Variants in GRID2 observed in about 807,000 individuals in gnomAD.
The protein encoded by GRID2 is glutamate ionotropic receptor delta type subunit 2.
A neutral mutation model predicts 114.8 loss-of-function variants in GRID2; 33 were observed. That is an observed-to-expected ratio of 0.29 (90% CI 0.22 to 0.38). The LOEUF is 0.38. Among genes scored for constraint, GRID2 ranks in the 10% least tolerant of loss-of-function variants. The pLI, the probability that GRID2 is intolerant of heterozygous loss-of-function variation, is 1.00. For missense variants in GRID2, 1,184 were observed against 1,257.7 expected (o/e 0.94, Z 0.89); for synonymous variants, 505 against 449.9 (o/e 1.12, Z -1.55).
chr4:93,198,750 G>A, intron 4 of GRID2, among the ~76,000 whole-genome samples: 1 of 152,184 alleles, frequency 6.6e-6, no homozygotes, highest in East Asian at 1.9e-4. Flanking sequence ...GAGGTCAAAA[G>A]GAACAAAGCA....
At chr4:92,690,728 C>T (rs1429877721) in intron 2 of GRID2, among the ~76,000 whole-genome samples, 1 of 151,974 alleles carries the variant, frequency 6.6e-6, no homozygotes, top group African/African-American at 2.4e-5. Flanking sequence ...CTGTATTAAG[C>T]TATACACCCC....
chr4:92,994,799 T>C lies in GRID2; in HGVS notation c.245-90196T>C, dbSNP rs187381363. Among the ~76,000 whole-genome samples the C allele has an allele frequency of 1.4e-3, 211 of 152,252 alleles. 1 individual carries two copies. Among genetic ancestry groups the C allele is most frequent in the African/African-American group, 4.7e-3 (197 of 41,560 alleles). On this transcript the variant is annotated intron_variant, in intron 2 of 15. Coordinates refer to ENST00000282020, the MANE Select transcript of GRID2 (RefSeq NM_001510.4). ...TCACATTGGTGCCAACGAAGGCATTTTGGTATATTCCCTGGATGCAACCAA... is the reference window on the plus strand; with the variant it reads ...TCACATTGGTGCCAACGAAGGCATTCTGGTATATTCCCTGGATGCAACCAA...
intron 5 of GRID2, among the ~76,000 whole-genome samples, chr4:93,213,949 G>T (rs1743881671): frequency 6.6e-6 from 1 of 152,036 alleles, no homozygotes; most frequent in Middle Eastern, 3.4e-3. Flanking sequence ...TGGGAAAAAA[G>T]GCTTCCTTAG....
chr4:93,705,019 A>C (rs1017114741), intron 14 of GRID2, among the ~76,000 whole-genome samples: 2 of 152,040 alleles, frequency 1.3e-5, no homozygotes, highest in African/African-American at 4.8e-5. Flanking sequence ...GTTTTTAAGG[A>C]GCCTCTATAC....
At chr4:92,808,511 G>A (rs888655013) in intron 2 of GRID2, among the ~76,000 whole-genome samples, 2 of 151,966 alleles carry the variant, frequency 1.3e-5, no homozygotes, top group African/African-American at 4.8e-5. Flanking sequence ...TAAAATTTAA[G>A]CAAAGGAAGT....
chr4:92,479,095 T>A (rs1353027065), intron 1 of GRID2, among the ~76,000 whole-genome samples: 1 of 152,170 alleles, frequency 6.6e-6, no homozygotes, highest in Non-Finnish European at 1.5e-5. Flanking sequence ...ACAATTTAGA[T>A]ATTTGTGGTT....
At chr4:92,953,345 A>G (rs1168494546) in intron 2 of GRID2, among the ~76,000 whole-genome samples, 1 of 152,178 alleles carries the variant, frequency 6.6e-6, no homozygotes, top group Non-Finnish European at 1.5e-5. Context: ...TAAAGATTAC[A>G]TTCACTGAAA....
chr4:93,365,404 G>T (rs1762245850), intron 8 of GRID2, among the ~76,000 whole-genome samples: 1 of 152,176 alleles, frequency 6.6e-6, no homozygotes, highest in Non-Finnish European at 1.5e-5. Context: ...AATTTACCAT[G>T]CATAGTAGGT....
At chr4:93,788,282 C>T (rs1004699479) in intron 1 of GRID2, among the ~76,000 whole-genome samples, 1 of 151,760 alleles carries the variant, frequency 6.6e-6, no homozygotes, top group East Asian at 1.9e-4. Flanking sequence ...CACACCATTG[C>T]ACTCCAGCCA....
At chr4:92,334,196 C>T (rs189428230) in intron 1 of GRID2, among the ~76,000 whole-genome samples, 1 of 152,180 alleles carries the variant, frequency 6.6e-6, no homozygotes, top group East Asian at 1.9e-4. Context: ...ATTGGAACTG[C>T]CTTTGCCATC....
At chr4:92,959,110 ATTT>A (rs201318761) in intron 2 of GRID2, among the ~76,000 whole-genome samples, 4 of 37,950 alleles carry the variant, frequency 1.1e-4, no homozygotes, top group Admixed American at 8.6e-4. Context: ...GATTTTATTG[ATTT>A]TTTTTTTTTT....
chr4:93,407,708 C>CCTCCTCCTCCTCCTT (rs1436601173), intron 9 of GRID2, among the ~76,000 whole-genome samples: 1 of 120,844 alleles, frequency 8.3e-6, no homozygotes, highest in Non-Finnish European at 1.6e-5. Flanking sequence ...AAGGTCTCCT[C>CCTCCTCCTCCTCCTT]CTCCTCCTCC....
At chr4:93,170,750 A>G (rs1738728586) in intron 4 of GRID2, among the ~76,000 whole-genome samples, 1 of 152,106 alleles carries the variant, frequency 6.6e-6, no homozygotes, top group East Asian at 1.9e-4. Flanking sequence ...ACAGTCTTAC[A>G]TACCCGACTG....
intron 1 of GRID2, among the ~76,000 whole-genome samples, chr4:92,306,559 T>G (rs1387811914): frequency 6.6e-6 from 1 of 152,242 alleles, no homozygotes; most frequent in Admixed American, 6.5e-5. Context: ...TGATGTAGGC[T>G]CCTCATCTCT....
At chr4:92,566,302 G>GA (rs1219142249) in intron 1 of GRID2, among the ~76,000 whole-genome samples, 1 of 151,604 alleles carries the variant, frequency 6.6e-6, no homozygotes, top group African/African-American at 2.4e-5. Flanking sequence ...TTTTAAGATG[G>GA]AAAATGATGC....
In GRID2 at chr4:92,658,352, GTA is replaced by G. The variant is rs1404662982; in HGVS notation, c.244+68073_244+68074del. Among the ~76,000 whole-genome samples the G allele has an allele frequency of 6.6e-5, 10 of 151,780 alleles. No individual in the cohort carries two copies. The East Asian group carries it at 1.7e-3, about 26-fold the overall frequency. On this transcript the variant is annotated intron_variant, in intron 2 of 15. Coordinates refer to ENST00000282020, the MANE Select transcript of GRID2 (RefSeq NM_001510.4). ...CATCTCATTAAAATGTGAATCCACA[GTA>G]TATATAACTTCAGAAAGAAATGTTC...
chr4:92,662,612 A>G (rs1458784128), intron 2 of GRID2, among the ~76,000 whole-genome samples: 1 of 151,238 alleles, frequency 6.6e-6, no homozygotes, highest in Non-Finnish European at 1.5e-5. Flanking sequence ...GTAAACTTTG[A>G]AGTGAATTAT....
intron 2 of GRID2, among the ~76,000 whole-genome samples, chr4:93,073,717 G>T (rs1258732890): frequency 6.6e-6 from 1 of 152,138 alleles, no homozygotes; most frequent in Non-Finnish European, 1.5e-5. Context: ...TACTGGTAAA[G>T]ACTCCTGGGA....
At chr4:93,267,052 T>C (rs967481798) in intron 8 of GRID2, among the ~76,000 whole-genome samples, 1 of 151,800 alleles carries the variant, frequency 6.6e-6, no homozygotes. Context: ...ACATTCTGCT[T>C]CTGAGCTGTT....
Sources: gnomAD v4.1 joint callset for allele counts (sites outside exome capture counted in the v4.1 genomes callset) on GRCh38, gnomAD v4.1.1 for gene constraint, MANE v1.5 for transcripts, NCBI Gene and HGNC (gene_info 2026-07-23, HGNC 2026-07-21) for gene names.